GSDME: variants seen among roughly 807,000 people sequenced by gnomAD.
GSDME encodes gasdermin E.
GSDME carries 44 observed loss-of-function variants against 47.5 expected under a neutral mutation model. That is an observed-to-expected ratio of 0.93 (90% CI 0.73 to 1.19). GSDME has a LOEUF of 1.19. Among genes scored for constraint, GSDME ranks in the 50% most tolerant of loss-of-function variants. The probability of loss-of-function intolerance (pLI) is 0.00; values close to 1 mark genes in which losing one functional copy is unlikely to be tolerated. For synonymous variants in GSDME, 258 were observed against 252.8 expected, an observed-to-expected ratio of 1.02 and a Z score of -0.20; for missense variants, 663 against 604.2, an observed-to-expected ratio of 1.10 and a Z score of -1.02.
chr7:24,775,961 C>G, the GSDME span, among the ~76,000 whole-genome samples: 5 of 148,862 alleles, frequency 3.4e-5, no homozygotes, highest in Admixed American at 3.4e-4. Flanking sequence ...GGGCTGATTG[C>G]CTGAGGTCAG....
chr7:24,699,066 G>T lies in GSDME; in HGVS notation c.1451C>A (p.Thr484Asn). 1 of 1,614,030 alleles carries T rather than the reference G, an allele frequency of 6.2e-7. No homozygotes were observed. The highest frequency in any genetic ancestry group is 1.1e-5 in the South Asian group (1 of 91,072). Residue 484 changes from threonine (T) to asparagine (N), a missense_variant, in exon 10 of 10, where the codon ACC (threonine) becomes AAC (asparagine). Thr to Asn is a moderately conservative substitution (Grantham distance 65). Coordinates refer to ENST00000645220, the MANE Select transcript of GSDME (RefSeq NM_001127453.2). Reference protein sequence around the residue: ...SKVFPLLLCITLNGLCALGRE... With the variant: ...SKVFPLLLCINLNGLCALGRE... Reference sequence around the variant, plus strand: ...GCCTAAAGCACAGAGTCCATTCAGGGTTATACAAAGAAGCAGTGGGAAGAC... The same window carrying T: ...GCCTAAAGCACAGAGTCCATTCAGGTTTATACAAAGAAGCAGTGGGAAGAC...
intron 9 of GSDME, 94 bp from the exon 10 acceptor site, chr7:24,699,353 A>C: frequency 1.1e-6 from 1 of 947,360 alleles, no homozygotes; most frequent in Non-Finnish European, 1.7e-6. Flanking sequence ...TGGGGGAAAA[A>C]ACTTTTTGAG....
intron 1 of GSDME, among the ~76,000 whole-genome samples, chr7:24,753,333 T>A (rs925720081): frequency 1.3e-5 from 2 of 152,148 alleles, no homozygotes; most frequent in African/African-American, 4.8e-5. Flanking sequence ...TTAAAAGGAG[T>A]CTGAACACTG....
At chr7:24,750,280 C>T (rs573035094) in intron 1 of GSDME, among the ~76,000 whole-genome samples, 1 of 152,234 alleles carries the variant, frequency 6.6e-6, no homozygotes, top group East Asian at 1.9e-4. Context: ...AGTCACATGG[C>T]TTCAACCAAC....
At chr7:24,746,279 T>C (rs1269589219) in intron 2 of GSDME, among the ~76,000 whole-genome samples, 2 of 152,316 alleles carry the variant, frequency 1.3e-5, no homozygotes, top group East Asian at 1.9e-4. Context: ...TTTTGGGCAA[T>C]GCCTTGGGAA....
the GSDME span, among the ~76,000 whole-genome samples, chr7:24,789,515 C>G: frequency 6.6e-6 from 1 of 152,178 alleles, no homozygotes; most frequent in African/African-American, 2.4e-5. Context: ...CACCGGTAAT[C>G]AGAACGGAAC....
the GSDME span, among the ~76,000 whole-genome samples, chr7:24,768,800 G>GA: frequency 2.6e-5 from 4 of 152,224 alleles, no homozygotes; most frequent in Non-Finnish European, 5.9e-5. The surrounding 1 kb of genome is among the most constrained non-coding windows in gnomAD (Gnocchi z 5.6). Flanking sequence ...AGTTCCAGCA[G>GA]AAACAGCATT....
At chr7:24,741,231 T>C (rs546978544) in intron 3 of GSDME, among the ~76,000 whole-genome samples, 7 of 152,268 alleles carry the variant, frequency 4.6e-5, no homozygotes, top group African/African-American at 7.2e-5. Context: ...TTTATACTTA[T>C]GGTAGTGACA....
chr7:24,701,081 T>C (rs150536640), intron 9 of GSDME, among the ~76,000 whole-genome samples: 105 of 152,312 alleles, frequency 6.9e-4, no homozygotes, highest in African/African-American at 2.4e-3. Context: ...TCAGAAAGCC[T>C]CTCAAAGTTA....
At chr7:24,777,414 G>C in the GSDME span, among the ~76,000 whole-genome samples, 1 of 152,178 alleles carries the variant, frequency 6.6e-6, no homozygotes, top group Non-Finnish European at 1.5e-5. Context: ...CGAACCACTG[G>C]AAGTTTGCGG....
intron 3 of GSDME, among the ~76,000 whole-genome samples, chr7:24,727,923 A>C (rs1055622890): frequency 6.6e-6 from 1 of 152,300 alleles, no homozygotes; most frequent in East Asian, 1.9e-4. Flanking sequence ...AACTGTCCCC[A>C]GCATCCTGTA....
At chr7:24,741,060 GATC>G (rs767735155) in intron 3 of GSDME, among the ~76,000 whole-genome samples, 1 of 152,142 alleles carries the variant, frequency 6.6e-6, no homozygotes, top group Non-Finnish European at 1.5e-5. Flanking sequence ...AGCCTTCAGA[GATC>G]ATCTAGTCCA....
At chr7:24,781,644 C>A in the GSDME span, among the ~76,000 whole-genome samples, 1 of 149,626 alleles carries the variant, frequency 6.7e-6, no homozygotes, top group South Asian at 2.1e-4. Context: ...TGGATTAAAT[C>A]TATTGATATT....
chr7:24,743,142 A>T (rs75678193), intron 3 of GSDME, among the ~76,000 whole-genome samples: 13,353 of 152,312 alleles, frequency 0.088, 751 homozygotes, highest in Non-Finnish European at 0.12. Flanking sequence ...TGGGACTTGA[A>T]GACGGCAGCT....
At chr7:24,781,278 G>C in the GSDME span, among the ~76,000 whole-genome samples, 1 of 152,188 alleles carries the variant, frequency 6.6e-6, no homozygotes, top group Non-Finnish European at 1.5e-5. Context: ...GATGTGGGAG[G>C]AGACACTTCT....
intron 5 of GSDME, among the ~76,000 whole-genome samples, chr7:24,711,807 CT>C (rs1380252717): frequency 7.3e-5 from 9 of 122,470 alleles, no homozygotes; most frequent in African/African-American, 2.7e-4. Flanking sequence ...AGAGCAAGAC[CT>C]TGTCTCCAAA....
chr7:24,747,815 A>G (rs1790715972), intron 2 of GSDME, among the ~76,000 whole-genome samples: 1 of 151,932 alleles, frequency 6.6e-6, no homozygotes, highest in Admixed American at 6.6e-5. Context: ...CTACACGTGT[A>G]TGCCACCATG....
Position 24,708,248 on chromosome 7 carries a change from AG to A in GSDME, c.868del (p.Leu290CysfsTer21), listed in dbSNP as rs750708158. 4 of 1,614,028 alleles carry A rather than the reference AG, an allele frequency of 2.5e-6. No homozygotes were observed. The highest frequency in any genetic ancestry group is 3.4e-6 in the Non-Finnish European group (4 of 1,180,038). ...TGGATGGAAATTCCTCTCCAGGAGCAGGGTCGCTGTGAAAACAAAGCACACC... is the reference window on the plus strand; with the variant it reads ...TGGATGGAAATTCCTCTCCAGGAGCAGGTCGCTGTGAAAACAAAGCACACC... ...GPLSVLKQAT[L>X]LLERNFHPFA... On this transcript the variant is annotated frameshift_variant, in exon 7 of 10. Coordinates refer to ENST00000645220, the MANE Select transcript of GSDME (RefSeq NM_001127453.2). LOFTEE classifies it high-confidence loss of function.
At position 24,698,777 on chromosome 7, in the gene GSDME, C is replaced by T. The variant is rs775887720; in HGVS notation, c.*249G>A. On this transcript the variant is annotated 3_prime_UTR_variant, in exon 10 of 10. Coordinates refer to ENST00000645220, the MANE Select transcript of GSDME (RefSeq NM_001127453.2). ...TGTATGCTAAGAATTCTCCGCCCTC[C>T]CAGCTCTTTACATGCTGGAACCTAA... 21 of 536,740 alleles carry T rather than the reference C, an allele frequency of 3.9e-5. No individual in the cohort carries two copies. The highest frequency in any genetic ancestry group is 6.7e-5 in the Non-Finnish European group (20 of 297,244). The allele number at this position is 536,740 out of a possible 1,614,324, so 33.2% of individuals were successfully genotyped here.
Sources: gnomAD v4.1 joint callset for allele counts (sites outside exome capture counted in the v4.1 genomes callset) on GRCh38, gnomAD v4.1.1 for gene constraint, Gnocchi (gnomAD v3.1) non-coding constraint, MANE v1.5 for transcripts, NCBI Gene and HGNC (gene_info 2026-07-23, HGNC 2026-07-21) for gene names.